Variants in KAZN observed in about 807,000 individuals in gnomAD.
KAZN encodes the protein kazrin.
KAZN carries 40 observed loss-of-function variants against 87.4 expected under a neutral mutation model. That is an observed-to-expected ratio of 0.46 (90% confidence interval 0.36 to 0.60). The LOEUF is 0.60. Among genes scored for constraint, KAZN ranks in the 20% least tolerant of loss-of-function variants. KAZN has a pLI of 0.00. For missense variants in KAZN, 898 were observed against 1,073.9 expected, an observed-to-expected ratio of 0.84 and a Z score of 2.29; for synonymous variants, 466 against 458.3, an observed-to-expected ratio of 1.02 and a Z score of -0.22.
At chr1:14,519,164 A>T (rs1328165890) in intron 2 of KAZN, among the ~76,000 whole-genome samples, 1 of 152,176 alleles carries the variant, frequency 6.6e-6, no homozygotes, top group Non-Finnish European at 1.5e-5. Flanking sequence ...AAATTTAAAT[A>T]ATAAAAACAA....
chr1:14,330,638 G>C (rs1183939396), intron 2 of KAZN, among the ~76,000 whole-genome samples: 1 of 151,900 alleles, frequency 6.6e-6, no homozygotes, highest in Non-Finnish European at 1.5e-5. Flanking sequence ...AACTTGAAAA[G>C]TTGCCATCAG....
intron 1 of KAZN, among the ~76,000 whole-genome samples, chr1:14,848,159 C>T (rs189894011): frequency 2.4e-4 from 36 of 152,342 alleles, no homozygotes; most frequent in Admixed American, 9.8e-4. Flanking sequence ...CCTTCCCACA[C>T]GTCTCTGAGC....
At position 14,531,255 on chromosome 1, in the gene KAZN, A is replaced by C. The variant is rs78220311; in HGVS notation, c.250-67728A>C. ...TCTATGAGCAGATCCAAGCAAATCT[A>C]TCTTGAGCTGAACTTTTCCCAGTCC... On this transcript the variant is annotated intron_variant, in intron 2 of 16. Transcript: ENST00000636203. Among the ~76,000 whole-genome samples, 1,154 of 152,304 alleles carry C rather than the reference A, an allele frequency of 7.6e-3. 11 individuals are homozygous for C. The highest frequency in any genetic ancestry group is 0.027 in the African/African-American group (1,108 of 41,570).
intron 1 of KAZN, among the ~76,000 whole-genome samples, chr1:14,661,872 C>T (rs543402703): frequency 3.9e-5 from 6 of 152,226 alleles, no homozygotes; most frequent in Non-Finnish European, 5.9e-5. Flanking sequence ...GCCGAGATCA[C>T]GCCACTGCAC....
Position 14,589,451 on chromosome 1 carries a change from A to G in KAZN, c.250-9532A>G, listed in dbSNP as rs147472089. Reference sequence around the variant, plus strand: ...CCATTGAACAAAATATCTCCCTTCCAATTATGCATACAACTGGACAGTGAG... The same window carrying G: ...CCATTGAACAAAATATCTCCCTTCCGATTATGCATACAACTGGACAGTGAG... On this transcript the variant is annotated intron_variant, in intron 2 of 16. Coordinates refer to the KAZN transcript ENST00000636203. 2.4e-4 allele frequency among the ~76,000 whole-genome samples: 36 copies of G among 152,284 alleles called. No homozygotes were observed. In the East Asian group the frequency reaches 6.8e-3, roughly 29 times the overall value.
chr1:15,110,389 GTT>G (rs1293997116), intron 13 of KAZN, among the ~76,000 whole-genome samples: 3 of 31,514 alleles, frequency 9.5e-5, no homozygotes, highest in African/African-American at 1.9e-4. Flanking sequence ...GTATTTGTGT[GTT>G]TGTGTGTGTC....
chr1:14,018,523 G>A (rs1408764862), intron 1 of KAZN, among the ~76,000 whole-genome samples: 1 of 152,176 alleles, frequency 6.6e-6, no homozygotes, highest in Non-Finnish European at 1.5e-5. Context: ...ACTGGATTGA[G>A]GGATGCCTGG....
At chr1:14,173,511 T>C (rs367817674) in intron 1 of KAZN, among the ~76,000 whole-genome samples, 1 of 152,064 alleles carries the variant, frequency 6.6e-6, no homozygotes, top group African/African-American at 2.4e-5. Context: ...CCAATCCCAA[T>C]TGAAAAAGAG....
chr1:14,591,680 G>A (rs531763160), intron 2 of KAZN, among the ~76,000 whole-genome samples: 17 of 152,272 alleles, frequency 1.1e-4, no homozygotes, highest in Admixed American at 9.1e-4. Context: ...GAAGGGATGC[G>A]CCTGACCGAC....
chr1:14,074,954 C>T (rs1472703589), intron 1 of KAZN, among the ~76,000 whole-genome samples: 3 of 152,110 alleles, frequency 2.0e-5, no homozygotes, highest in African/African-American at 7.2e-5. Flanking sequence ...CGTGTCAACT[C>T]ATGTTAAACT....
chr1:15,105,360 A>G (rs493148), intron 13 of KAZN, among the ~76,000 whole-genome samples: 84,261 of 151,622 alleles, frequency 0.56, 23,539 homozygotes, highest in East Asian at 0.77. Flanking sequence ...GTCTGTTCAG[A>G]TTTTCTATTT....
At chr1:14,014,056 C>A (rs139502961) in intron 1 of KAZN, among the ~76,000 whole-genome samples, 2,748 of 152,230 alleles carry the variant, frequency 0.018, 81 homozygotes, top group African/African-American at 0.062. Flanking sequence ...CATTGAAAAG[C>A]GTTTCATACC....
rs146608192 is a variant in KAZN at position 14,273,395 on chromosome 1, T to C, written c.249+92803T>C. On this transcript the variant is annotated intron_variant, in intron 2 of 16. Transcript: ENST00000636203. ...GGTCTCCTGGCCCTAAAATTCCTTA[T>C]GAAATAAGTCTTAATGATATATGTA... Among the ~76,000 whole-genome samples, 412 of 152,274 alleles carry C rather than the reference T, an allele frequency of 2.7e-3. 1 individual carries two copies. Among genetic ancestry groups the C allele is most frequent in the African/African-American group, 9.3e-3 (387 of 41,558 alleles).
intron 2 of KAZN, among the ~76,000 whole-genome samples, chr1:14,181,041 T>A (rs1245159841): frequency 1.3e-5 from 2 of 152,166 alleles, no homozygotes; most frequent in East Asian, 3.9e-4. Flanking sequence ...AGCGCTGAAT[T>A]TATTGAGGAA....
chr1:14,566,010 A>T (rs1024489120), intron 2 of KAZN, among the ~76,000 whole-genome samples: 18 of 152,230 alleles, frequency 1.2e-4, no homozygotes, highest in African/African-American at 3.4e-4. Context: ...CCCATGAATT[A>T]CAAATGTTCT....
intron 1 of KAZN, among the ~76,000 whole-genome samples, chr1:14,936,983 C>T (rs1228413354): frequency 6.6e-6 from 1 of 152,184 alleles, no homozygotes; most frequent in East Asian, 1.9e-4. Flanking sequence ...CTTGCTAGTT[C>T]TTGCCTCTGT....
intron 1 of KAZN, among the ~76,000 whole-genome samples, chr1:14,117,230 C>T (rs2101690168): frequency 6.6e-6 from 1 of 152,162 alleles, no homozygotes; most frequent in African/African-American, 2.4e-5. Context: ...GGCTGTGTCC[C>T]CATCCAAATC....
intron 2 of KAZN, among the ~76,000 whole-genome samples, chr1:14,419,951 G>A (rs1249839432): frequency 4.6e-5 from 7 of 152,180 alleles, no homozygotes; most frequent in South Asian, 4.1e-4. Flanking sequence ...CCACAAGGTG[G>A]AAGGGAACAT....
At chr1:14,710,206 G>C (rs1387212398) in intron 1 of KAZN, among the ~76,000 whole-genome samples, 3 of 152,160 alleles carry the variant, frequency 2.0e-5, no homozygotes, top group Non-Finnish European at 4.4e-5. Context: ...GTCTCTGAGA[G>C]CATCTTCAGA....
Sources: gnomAD v4.1 joint callset for allele counts (sites outside exome capture counted in the v4.1 genomes callset) on GRCh38, gnomAD v4.1.1 for gene constraint, MANE v1.5 for transcripts, NCBI Gene and HGNC (gene_info 2026-07-23, HGNC 2026-07-21) for gene names.